The following SLCO6A1 variants were observed in gnomAD, a reference collection of about 807,000 sequenced individuals.
SLCO6A1 encodes solute carrier organic anion transporter family member 6A1.
A neutral mutation model predicts 72.7 loss-of-function variants in SLCO6A1; 65 were observed. That is an observed-to-expected ratio of 0.89 (90% CI 0.73 to 1.10). The LOEUF is 1.10. Among genes scored for constraint, SLCO6A1 ranks in the 50% least tolerant of loss-of-function variants. The pLI, the probability that SLCO6A1 is intolerant of heterozygous loss-of-function variation, is 0.00. For synonymous variants in SLCO6A1, 314 were observed against 298.2 expected (o/e 1.05, Z -0.55); for missense variants, 874 against 872.6 (o/e 1.00, Z -0.02).
At chr5:102,490,713 T>TTG (rs1752633939) in intron 1 of SLCO6A1, among the ~76,000 whole-genome samples, 1 of 152,152 alleles carries the variant, frequency 6.6e-6, no homozygotes. Context: ...ATGGTGAGTG[T>TTG]TACAGCTCTT....
intron 1 of SLCO6A1, among the ~76,000 whole-genome samples, chr5:102,483,511 A>G (rs1356219113): frequency 6.6e-6 from 1 of 152,154 alleles, no homozygotes; most frequent in Non-Finnish European, 1.5e-5. Context: ...CTCCAAACCA[A>G]TTGGTGTCTA....
intron 6 of SLCO6A1, among the ~76,000 whole-genome samples, chr5:102,442,401 A>G (rs1257342143): frequency 6.6e-6 from 1 of 152,222 alleles, no homozygotes; most frequent in Non-Finnish European, 1.5e-5. Flanking sequence ...ACGAGAAACA[A>G]TAATGTCTAT....
At chr5:102,373,143 A>G (rs149609770) in intron 13 of SLCO6A1, among the ~76,000 whole-genome samples, 194 bp downstream of exon 13, 160 of 152,002 alleles carry the variant, frequency 1.1e-3, no homozygotes, top group African/African-American at 3.8e-3. Context: ...TCTTTCATTG[A>G]AAGTATTAAA....
chr5:102,478,483 T>C (rs1752026562), intron 2 of SLCO6A1, among the ~76,000 whole-genome samples: 1 of 152,194 alleles, frequency 6.6e-6, no homozygotes, highest in African/African-American at 2.4e-5. Context: ...TAATTTCCCA[T>C]TTTAGACTCA....
intron 1 of SLCO6A1, among the ~76,000 whole-genome samples, chr5:102,487,303 G>A (rs942912970): frequency 7.2e-5 from 11 of 152,140 alleles, no homozygotes; most frequent in African/African-American, 7.2e-5. Flanking sequence ...AATAGTAAAT[G>A]TAAACAATGT....
In SLCO6A1 at chr5:102,495,584, A is replaced by C. The variant is rs188850460; in HGVS notation, c.358+2903T>G. 5.9e-5 allele frequency among the ~76,000 whole-genome samples: 9 copies of C among 152,308 alleles called. No homozygotes were observed. The East Asian group carries it at 1.7e-3, about 29-fold the overall frequency. ...CACTACAGCGTGGGTGACAAGAGCA[A>C]GACTCACTCAGCAGAGGCAGTCTCA... On this transcript the variant is annotated intron_variant, in intron 1 of 13. Transcript: ENST00000506729.
At chr5:102,490,915 A>G (rs1355388474) in intron 1 of SLCO6A1, among the ~76,000 whole-genome samples, 2 of 152,124 alleles carry the variant, frequency 1.3e-5, no homozygotes, top group Non-Finnish European at 2.9e-5. Flanking sequence ...AAGCGGACTC[A>G]GGGGGTTGCC....
At chr5:102,389,456 C>CCG (rs376461607) in intron 11 of SLCO6A1, among the ~76,000 whole-genome samples, 1 of 81,852 alleles carries the variant, frequency 1.2e-5, no homozygotes, top group Non-Finnish European at 2.6e-5. Context: ...CCCCCCACCC[C>CCG]CACACACACA....
chr5:102,472,290 C>T (rs372205116), intron 4 of SLCO6A1, among the ~76,000 whole-genome samples: 1 of 152,124 alleles, frequency 6.6e-6, no homozygotes, highest in Non-Finnish European at 1.5e-5. Context: ...AAACGTTATA[C>T]TAGCTGGGTA....
At chr5:102,386,206 G>C (rs1746408975) in intron 12 of SLCO6A1, among the ~76,000 whole-genome samples, 1 of 152,096 alleles carries the variant, frequency 6.6e-6, no homozygotes, top group Non-Finnish European at 1.5e-5. Context: ...GATCCACTGT[G>C]ATAGGCCTGG....
At position 102,475,393 on chromosome 5, in the gene SLCO6A1, A is replaced by T. The variant is rs183051263; in HGVS notation, c.899+304T>A. ...GTTTTATAAGGTGTCTAAAATAGTCAGACTCTCAGAAAACAAAAGTAGAAC... is the reference window on the plus strand; with the variant it reads ...GTTTTATAAGGTGTCTAAAATAGTCTGACTCTCAGAAAACAAAAGTAGAAC... On this transcript the variant is annotated intron_variant, in intron 4 of 13. Coordinates refer to ENST00000506729, the MANE Select transcript of SLCO6A1 (RefSeq NM_173488.5). 4.4e-3 allele frequency among the ~76,000 whole-genome samples: 662 copies of T among 151,612 alleles called. 2 individuals carry two copies. The highest frequency in any genetic ancestry group is 7.3e-3 in the Non-Finnish European group (497 of 67,994).
intron 7 of SLCO6A1, among the ~76,000 whole-genome samples, chr5:102,425,553 G>T (rs1478570960): frequency 6.6e-6 from 1 of 151,198 alleles, no homozygotes; most frequent in Admixed American, 6.6e-5. Context: ...GGAATACAAG[G>T]TATTTACAAG....
chr5:102,411,833 G>A (rs975554912), intron 9 of SLCO6A1, among the ~76,000 whole-genome samples: 19 of 152,070 alleles, frequency 1.2e-4, no homozygotes, highest in African/African-American at 4.3e-4. Flanking sequence ...CTTTGTGGGG[G>A]GGAAATGTGC....
intron 4 of SLCO6A1, among the ~76,000 whole-genome samples, chr5:102,462,248 A>G (rs536633594): frequency 3.0e-4 from 46 of 152,210 alleles, no homozygotes; most frequent in Non-Finnish European, 6.5e-4. Context: ...GACACAAATG[A>G]ATGGAAGCAC....
rs1288525438 is a variant in SLCO6A1 at position 102,399,636 on chromosome 5, A to G, written c.1733T>C (p.Leu578Ser). The G allele has an allele frequency of 3.1e-6, 5 of 1,608,086 alleles. No individual in the cohort carries two copies. Among genetic ancestry groups the G allele is most frequent in the Non-Finnish European group, 3.4e-6 (4 of 1,176,130 alleles). Residue 578 changes from leucine (L) to serine (S), a missense_variant, in exon 10 of 14, where the codon TTA becomes TCA. By Grantham distance (145) the Leu-to-Ser change is moderately radical. Coordinates refer to ENST00000506729, the MANE Select transcript of SLCO6A1 (RefSeq NM_173488.5). ...AAAGATAAAAGCAATGAACAAAGGTAACTTATAGCACTTTGCATCACATTT... is the reference window on the plus strand; with the variant it reads ...AAAGATAAAAGCAATGAACAAAGGTGACTTATAGCACTTTGCATCACATTT... ...PGKCDAKCYKLPLFIAFIFST... is the reference protein window; with the variant it reads ...PGKCDAKCYKSPLFIAFIFST...
chr5:102,430,506 GA>G (rs1002656808), intron 7 of SLCO6A1, among the ~76,000 whole-genome samples: 1 of 152,116 alleles, frequency 6.6e-6, no homozygotes, highest in African/African-American at 2.4e-5. Flanking sequence ...TTTTTAACAT[GA>G]AGGGATGTTG....
intron 4 of SLCO6A1, among the ~76,000 whole-genome samples, chr5:102,471,488 T>C (rs1213660103): frequency 6.6e-6 from 1 of 152,070 alleles, no homozygotes; most frequent in African/African-American, 2.4e-5. Context: ...CGCTTAAATG[T>C]TTCCTTTTCT....
At chr5:102,430,870 C>T (rs10074324) in intron 7 of SLCO6A1, among the ~76,000 whole-genome samples, 97,105 of 151,894 alleles carry the variant, frequency 0.64, 31,225 homozygotes, top group African/African-American at 0.66. Flanking sequence ...GTAGTAATGA[C>T]ACCAGCTCTT....
chr5:102,440,831 T>C (rs6872341), intron 6 of SLCO6A1, among the ~76,000 whole-genome samples: 1 of 152,180 alleles, frequency 6.6e-6, no homozygotes, highest in Admixed American at 6.5e-5. Context: ...AAATGTTGCA[T>C]TGGTAACAAG....
Sources: allele counts gnomAD v4.1 joint callset (sites outside exome capture counted in the v4.1 genomes callset), GRCh38; gene constraint gnomAD v4.1.1; transcripts MANE v1.5; gene names NCBI Gene and HGNC (gene_info 2026-07-23, HGNC 2026-07-21).